The following BCAS3 variants were observed in gnomAD, a reference collection of about 807,000 sequenced individuals.
BCAS3 encodes BCAS4/BCAS3 fusion.
Under a neutral mutation model 116.1 loss-of-function variants are expected in BCAS3, and 53 were observed. The observed-to-expected ratio is 0.46, with a 90% CI of 0.37 to 0.57. The LOEUF (loss-of-function observed/expected upper bound fraction) is 0.57, where lower values mean the gene tolerates loss of function less well. Among genes scored for constraint, BCAS3 ranks in the 20% least tolerant of loss-of-function variants. The pLI is 0.00. For synonymous variants in BCAS3, 391 were observed against 408.2 expected (o/e 0.96, Z 0.51); for missense variants, 917 against 1,165.4 (o/e 0.79, Z 3.10).
At chr17:61,064,586 G>T (rs1212243590) in intron 19 of BCAS3, among the ~76,000 whole-genome samples, 2 of 152,142 alleles carry the variant, frequency 1.3e-5, no homozygotes, top group Non-Finnish European at 2.9e-5. Context: ...TACTGTGGGG[G>T]TACAGAAAAG....
At position 61,220,645 on chromosome 17, in the gene BCAS3, C is replaced by T. The variant is rs2082057265; in HGVS notation, c.2425+136081C>T. On this transcript the variant is annotated intron_variant, in intron 22 of 23. Transcript: ENST00000407086. The surrounding 1 kb of genome is among the most constrained non-coding windows in gnomAD (Gnocchi z 4.5). ...CCCCCCTGTGGCGCCAAAGACAGTT[C>T]TTGATCTCTACACCCAGTGACAACA... Among the ~76,000 whole-genome samples, 1 of 151,816 alleles carries T rather than the reference C, an allele frequency of 6.6e-6. No homozygotes were observed. Among genetic ancestry groups the T allele is most frequent in the Non-Finnish European group, 1.5e-5 (1 of 67,960 alleles).
At chr17:60,810,846 G>A in intron 7 of BCAS3, 2 of 702,174 alleles carry the variant, frequency 2.8e-6, no homozygotes, top group Non-Finnish European at 5.2e-6. Flanking sequence ...TACAAGCCCA[G>A]ACTGCCAGCT....
rs1055729307 is a variant in BCAS3 at position 61,007,239 on chromosome 17, C to T, written c.1487-8512C>T. Among the ~76,000 whole-genome samples, 3 of 152,062 alleles carry T rather than the reference C, an allele frequency of 2.0e-5. No individual in the cohort carries two copies. The highest frequency in any genetic ancestry group is 2.1e-4 in the South Asian group (1 of 4,814). ...CATTGTTTCTAACTGTTGATTTCAT[C>T]TCCTTTTCTAGGGAATTTTTGCCTC... On this transcript the variant is annotated intron_variant, in intron 15 of 23. Transcript: ENST00000407086. The surrounding 1 kb of genome is among the most constrained non-coding windows in gnomAD (Gnocchi z 4.3).
At chr17:61,231,926 G>T (rs1288400727) in intron 22 of BCAS3, among the ~76,000 whole-genome samples, 2 of 151,086 alleles carry the variant, frequency 1.3e-5, no homozygotes, top group Non-Finnish European at 3.0e-5. Context: ...AGGAAAAGAG[G>T]CCTGACACAG....
chr17:61,353,428 C>G (rs1036218148), intron 22 of BCAS3, among the ~76,000 whole-genome samples: 16 of 152,146 alleles, frequency 1.1e-4, no homozygotes, highest in Admixed American at 3.3e-4. Flanking sequence ...CCAGGTGATG[C>G]TGCTGCTGCT....
At position 61,380,651 on chromosome 17, in the gene BCAS3, C is replaced by A; in HGVS notation, c.2594-11326C>A. ...TGTCCCTCAAGAGGGTGCCCTCCTA[C>A]CCCCTCGTGCCCAGGCCCAGGAGCA... On this transcript the variant is annotated intron_variant, in intron 23 of 23. Transcript: ENST00000407086. The surrounding 1 kb of genome is among the most constrained non-coding windows in gnomAD (Gnocchi z 4.2). The A allele has an allele frequency of 7.4e-7, 1 of 1,352,380 alleles. No homozygotes were observed. The highest frequency in any genetic ancestry group is 1.0e-6 in the Non-Finnish European group (1 of 969,004). The allele number at this position is 1,352,380 out of a possible 1,614,324, so 83.8% of individuals were successfully genotyped here. A position where few individuals can be genotyped will look rare whatever the true frequency, so the allele number is the denominator to read the frequency against.
In BCAS3 at chr17:61,354,625, C is replaced by T. The variant is rs931387201; in HGVS notation, c.2426-13702C>T. 1 of 152,230 alleles carries T rather than the reference C, an allele frequency of 6.6e-6. No individual in the cohort carries two copies. Among genetic ancestry groups the T allele is most frequent in the Non-Finnish European group, 1.5e-5 (1 of 68,062 alleles). The allele number at this position is 152,230 out of a possible 1,614,324, so 9.4% of individuals were successfully genotyped here. A position where few individuals can be genotyped will look rare whatever the true frequency, so the allele number is the denominator to read the frequency against. ...AGTCGGGATTCTGTAATGTACCTTG[C>T]CCCCAGTCAGGATGGGAGGCCAGGC... On this transcript the variant is annotated intron_variant, in intron 22 of 23. Transcript: ENST00000407086. The surrounding 1 kb of genome is among the most constrained non-coding windows in gnomAD (Gnocchi z 4.5).
In BCAS3 at chr17:61,056,788, GAC is replaced by G; in HGVS notation, c.2029+15900_2029+15901del. On this transcript the variant is annotated intron_variant, in intron 19 of 23. Transcript: ENST00000407086. This position sits in a 1 kb window ranked among gnomAD's most constrained non-coding sequence, Gnocchi z 4.9. ...ACTACTGCATGCTCTCAGATATTGAGACACAGAGGTGTTATCTCCATAAAAAT... is the reference window on the plus strand; with the variant it reads ...ACTACTGCATGCTCTCAGATATTGAGACAGAGGTGTTATCTCCATAAAAAT... 6.6e-6 allele frequency among the ~76,000 whole-genome samples: 1 copy of G among 152,202 alleles called. No homozygotes were observed.
At chr17:60,726,967 CT>C (rs1373899438) in intron 5 of BCAS3, among the ~76,000 whole-genome samples, 2 of 151,894 alleles carry the variant, frequency 1.3e-5, no homozygotes, top group African/African-American at 4.8e-5. Context: ...TAGTGTTAGT[CT>C]TATTTTACAC....
In BCAS3 at chr17:61,070,311, G is replaced by A. The variant is rs1334462833; in HGVS notation, c.2030-4609G>A. The A allele has an allele frequency of 9.6e-6, 12 of 1,253,580 alleles. No individual in the cohort carries two copies. In the African/African-American group the frequency reaches 1.8e-4, roughly 19 times the overall value. The allele number at this position is 1,253,580 out of a possible 1,614,324, so 77.7% of individuals were successfully genotyped here. On this transcript the variant is annotated intron_variant, in intron 19 of 23. Coordinates refer to ENST00000407086, the MANE Select transcript of BCAS3 (RefSeq NM_017679.5). ...GACTGGCTCCTGGTTACGATGCTTT[G>A]GATGTTGCCAACAAAATTGGGATCA...
At chr17:60,769,562 G>A (rs191392320) in intron 6 of BCAS3, among the ~76,000 whole-genome samples, 68 of 152,280 alleles carry the variant, frequency 4.5e-4, no homozygotes, top group African/African-American at 1.6e-3. Context: ...TGGGCCTGCC[G>A]TGGGGAAGGG....
chr17:60,904,598 G>A (rs1485467335), intron 11 of BCAS3, among the ~76,000 whole-genome samples: 2 of 152,152 alleles, frequency 1.3e-5, no homozygotes, highest in Non-Finnish European at 2.9e-5. Context: ...CTGGGAGGCT[G>A]AGGTGGGAGG....
intron 22 of BCAS3, among the ~76,000 whole-genome samples, chr17:61,291,808 G>A (rs1374395571): frequency 1.3e-5 from 2 of 152,194 alleles, no homozygotes; most frequent in African/African-American, 2.4e-5. Context: ...GTGGTTGTGC[G>A]TGTGTCGGTG....
chr17:61,223,151 CTTTTTT>C (rs34499099), intron 22 of BCAS3, among the ~76,000 whole-genome samples: 31 of 79,084 alleles, frequency 3.9e-4, no homozygotes, highest in Non-Finnish European at 6.3e-4. Flanking sequence ...GATGCAGCGC[CTTTTTT>C]TTTTTTTTTT....
At chr17:60,811,978 G>C (rs2144641529) in intron 7 of BCAS3, among the ~76,000 whole-genome samples, 1 of 152,204 alleles carries the variant, frequency 6.6e-6, no homozygotes, top group East Asian at 1.9e-4. Flanking sequence ...GCTTGAGCCT[G>C]GGAGGCAGAG....
At position 61,046,024 on chromosome 17, in the gene BCAS3, TA is replaced by T. The variant is rs1242635579; in HGVS notation, c.2029+5133del. On this transcript the variant is annotated intron_variant, in intron 19 of 23. Transcript: ENST00000407086. ...ATAATATATATATTTATATATATAT[TA>T]TATATATATTTATATATATATAATA... is the stretch of plus-strand genomic sequence containing the variant. Among the ~76,000 whole-genome samples the T allele has an allele frequency of 3.0e-4, 3 of 10,146 alleles. No individual in the cohort carries two copies. The South Asian group carries it at 8.2e-3, about 28-fold the overall frequency. The allele number at this position is 10,146 out of a possible 152,430, so 6.7% of individuals were successfully genotyped here.
Position 61,034,107 on chromosome 17 carries a change from C to G in BCAS3, c.1638-559C>G, listed in dbSNP as rs2066844460. Among the ~76,000 whole-genome samples the G allele has an allele frequency of 6.6e-6, 1 of 152,194 alleles. No homozygotes were observed. The highest frequency in any genetic ancestry group is 2.1e-4 in the South Asian group (1 of 4,832). The stretch of plus-strand genomic sequence containing the variant: ...TTGCATTAGATGATTAGCTATTCTT[C>G]CCTTGCACTGTCTAACTCTCCATAG... On this transcript the variant is annotated intron_variant, in intron 16 of 23. Transcript: ENST00000407086. The surrounding 1 kb of genome is among the most constrained non-coding windows in gnomAD (Gnocchi z 5.0).
chr17:61,055,790 T>G (rs1042248887), intron 19 of BCAS3, among the ~76,000 whole-genome samples: 1 of 152,238 alleles, frequency 6.6e-6, no homozygotes, highest in African/African-American at 2.4e-5. Context: ...CTTATCTCTT[T>G]TCTTTCTTAT....
At chr17:60,843,601 A>G (rs774581397) in intron 7 of BCAS3, among the ~76,000 whole-genome samples, 1 of 152,156 alleles carries the variant, frequency 6.6e-6, no homozygotes, top group Non-Finnish European at 1.5e-5. Flanking sequence ...CCCTACACTC[A>G]GTCATACTGC....
Sources: allele counts gnomAD v4.1 joint callset (sites outside exome capture counted in the v4.1 genomes callset), GRCh38; gene constraint gnomAD v4.1.1; non-coding constraint Gnocchi (gnomAD v3.1); transcripts MANE v1.5; gene names NCBI Gene and HGNC (gene_info 2026-07-23, HGNC 2026-07-21).